Variants in PCDH15 observed in about 807,000 individuals in gnomAD.
PCDH15 encodes the protein protocadherin related 15.
A neutral mutation model predicts 178.5 loss-of-function variants in PCDH15; 129 were observed. The ratio of observed to expected loss-of-function variants is 0.72; its 90% CI spans 0.63 to 0.84. PCDH15 has a LOEUF of 0.84. Ranked by LOEUF, PCDH15 falls within the 40% of genes least tolerant of loss-of-function variation. The pLI is 0.00. For synonymous variants in PCDH15, 800 were observed against 732.0 expected (o/e 1.09, Z -1.50); for missense variants, 2,230 against 2,099.9 (o/e 1.06, Z -1.21).
chr10:54,786,505 A>G (rs573222515), intron 1 of PCDH15, among the ~76,000 whole-genome samples: 1 of 152,204 alleles, frequency 6.6e-6, no homozygotes, highest in East Asian at 1.9e-4. Context: ...TAGAAGTCAA[A>G]GACATAAAGT....
At chr10:54,967,249 T>C (rs910262853) in intron 2 of PCDH15, among the ~76,000 whole-genome samples, 8 of 152,152 alleles carry the variant, frequency 5.3e-5, no homozygotes, top group African/African-American at 9.7e-5. Flanking sequence ...TGGTGAGTCA[T>C]TGACTGAAAC....
intron 6 of PCDH15, among the ~76,000 whole-genome samples, chr10:54,339,971 G>T (rs150186757): frequency 6.6e-6 from 1 of 152,164 alleles, no homozygotes; most frequent in African/African-American, 2.4e-5. Flanking sequence ...TTTTAGTTGA[G>T]TCCAATATCT....
intron 14 of PCDH15, among the ~76,000 whole-genome samples, chr10:54,144,252 A>G (rs2043685069): frequency 6.6e-6 from 1 of 152,112 alleles, no homozygotes; most frequent in Admixed American, 6.6e-5. Context: ...CATGATTGAA[A>G]ATTGATAAAT....
intron 2 of PCDH15, among the ~76,000 whole-genome samples, chr10:54,999,234 A>G (rs553086510): frequency 8.5e-4 from 129 of 152,244 alleles, no homozygotes; most frequent in Non-Finnish European, 1.5e-3. Flanking sequence ...TTAAAATTCA[A>G]TATGTTTTTC....
intron 2 of PCDH15, among the ~76,000 whole-genome samples, chr10:55,378,164 A>G (rs562719247): frequency 1.3e-5 from 2 of 152,234 alleles, no homozygotes; most frequent in African/African-American, 4.8e-5. Context: ...CTATGTAACA[A>G]ACCTGCAGAT....
At chr10:55,474,286 A>T (rs1840020841) in intron 2 of PCDH15, among the ~76,000 whole-genome samples, 1 of 152,212 alleles carries the variant, frequency 6.6e-6, no homozygotes. Context: ...CATTACACTG[A>T]ATGGAAGGAG....
intron 2 of PCDH15, among the ~76,000 whole-genome samples, chr10:55,014,730 T>TAA (rs1346479529): frequency 6.6e-6 from 1 of 152,326 alleles, no homozygotes; most frequent in East Asian, 1.9e-4. Flanking sequence ...ACTACTCTGA[T>TAA]CAGATACCTT....
chr10:55,180,193 A>C (rs1385275531), intron 1 of PCDH15, among the ~76,000 whole-genome samples: 1 of 152,038 alleles, frequency 6.6e-6, no homozygotes, highest in Non-Finnish European at 1.5e-5. Context: ...AGAGAAGTAC[A>C]AAGTAAAGAG....
At chr10:53,859,801 T>C (rs1318298070) in intron 27 of PCDH15, among the ~76,000 whole-genome samples, 2 of 152,020 alleles carry the variant, frequency 1.3e-5, no homozygotes, top group East Asian at 1.9e-4. Flanking sequence ...ATATGATATA[T>C]GATGTGAACA....
intron 1 of PCDH15, among the ~76,000 whole-genome samples, chr10:55,251,131 C>T (rs913819341): frequency 1.3e-5 from 2 of 151,876 alleles, no homozygotes; most frequent in African/African-American, 4.8e-5. Flanking sequence ...ATCAGTATAT[C>T]GACATTGATA....
At chr10:53,893,080 A>T (rs926488222) in intron 26 of PCDH15, among the ~76,000 whole-genome samples, 3 of 152,212 alleles carry the variant, frequency 2.0e-5, no homozygotes, top group Non-Finnish European at 4.4e-5. Flanking sequence ...CCAAAGATGG[A>T]TCAAATATTT....
intron 31 of PCDH15, 138 bp from the exon 32 acceptor site, chr10:53,827,686 A>C: frequency 9.8e-7 from 1 of 1,020,808 alleles, no homozygotes; most frequent in South Asian, 1.4e-5. Flanking sequence ...ATTTATAAAC[A>C]GATGTAATTA....
intron 2 of PCDH15, among the ~76,000 whole-genome samples, chr10:55,466,795 C>T (rs1839840558): frequency 6.6e-6 from 1 of 152,150 alleles, no homozygotes; most frequent in South Asian, 2.1e-4. Flanking sequence ...GACCCTTTTT[C>T]CACTCTTATT....
At chr10:55,226,456 C>T (rs922878878) in intron 1 of PCDH15, among the ~76,000 whole-genome samples, 1 of 151,260 alleles carries the variant, frequency 6.6e-6, no homozygotes, top group Non-Finnish European at 1.5e-5. Context: ...ACCCTGCAAC[C>T]CTGCAACCTC....
intron 18 of PCDH15, among the ~76,000 whole-genome samples, chr10:54,059,116 CT>C (rs1023211550): frequency 6.6e-6 from 1 of 152,172 alleles, no homozygotes; most frequent in Non-Finnish European, 1.5e-5. Context: ...ATGAGAACAA[CT>C]TTTTCAGCTC....
chr10:54,887,650 A>C (rs1954382162), intron 3 of PCDH15, among the ~76,000 whole-genome samples: 1 of 152,088 alleles, frequency 6.6e-6, no homozygotes, highest in Non-Finnish European at 1.5e-5. Context: ...ATTAAGAAGA[A>C]ATGCATTTTT....
intron 2 of PCDH15, among the ~76,000 whole-genome samples, chr10:54,642,250 A>G (rs2094007988): frequency 6.6e-6 from 1 of 152,146 alleles, no homozygotes; most frequent in African/African-American, 2.4e-5. Flanking sequence ...ACCAAACATC[A>G]AATTTGCTAG....
chr10:55,247,228 T>G (rs1841699904), intron 1 of PCDH15, among the ~76,000 whole-genome samples: 1 of 152,204 alleles, frequency 6.6e-6, no homozygotes, highest in South Asian at 2.1e-4. Context: ...TTGTTTAAAC[T>G]CTCTCATAGT....
chr10:53,966,628 T>G (rs1037527345), intron 21 of PCDH15, among the ~76,000 whole-genome samples: 1 of 152,166 alleles, frequency 6.6e-6, no homozygotes, highest in African/African-American at 2.4e-5. Flanking sequence ...GCTTTAATCT[T>G]GGAAAAAATT....
Sources: allele counts gnomAD v4.1 joint callset (sites outside exome capture counted in the v4.1 genomes callset), GRCh38; gene constraint gnomAD v4.1.1; transcripts MANE v1.5; gene names NCBI Gene and HGNC (gene_info 2026-07-23, HGNC 2026-07-21).